ERCC6: variants seen among roughly 807,000 people sequenced by gnomAD.
ERCC6 encodes the protein DNA excision repair protein ERCC-6.
ERCC6 carries 116 observed loss-of-function variants against 158.7 expected under a neutral mutation model. That is an observed-to-expected ratio of 0.73 (90% confidence interval 0.63 to 0.85). The LOEUF (loss-of-function observed/expected upper bound fraction) is 0.85, where lower values mean the gene tolerates loss of function less well. ERCC6 is among the 40% of genes least tolerant of loss of function. The pLI is 0.00. For missense variants in ERCC6, 1,698 were observed against 1,799.4 expected, an observed-to-expected ratio of 0.94 and a Z score of 1.02; for synonymous variants, 678 against 659.3, an observed-to-expected ratio of 1.03 and a Z score of -0.43.
At chr10:49,532,400 G>A in intron 2 of ERCC6, 143 bp downstream of exon 2, 1 of 1,301,426 alleles carries the variant, frequency 7.7e-7, no homozygotes, top group Non-Finnish European at 1.1e-6. Context: ...ATGAGGTTGA[G>A]GACTGCCCTT....
At chr10:49,519,518 A>T (rs1837089354) in intron 5 of ERCC6, among the ~76,000 whole-genome samples, 1 of 152,182 alleles carries the variant, frequency 6.6e-6, no homozygotes, top group Non-Finnish European at 1.5e-5. Flanking sequence ...ACCAACTCAA[A>T]TCCACTTCAG....
intron 7 of ERCC6, among the ~76,000 whole-genome samples, chr10:49,495,958 G>T (rs1464659846): frequency 2.0e-5 from 3 of 152,172 alleles, no homozygotes; most frequent in Non-Finnish European, 4.4e-5. Context: ...TTGCGACAGA[G>T]ATTAAACACC....
rs373522295 is a variant in ERCC6 at position 49,493,175 on chromosome 10, C to A, written c.1763G>T (p.Trp588Leu). The A allele has an allele frequency of 3.1e-6, 5 of 1,613,934 alleles. No individual in the cohort carries two copies. The African/African-American group carries it at 5.3e-5, about 17-fold the overall frequency. The change falls in exon 8 of 21, where the codon TGG becomes TTG. Residue 588 changes from tryptophan (W) to leucine (L), a missense_variant. Physicochemically the swap from Trp to Leu is moderately conservative, Grantham distance 61 (BLOSUM62 -2). Transcript: ENST00000355832. ...MHQWVKEFHT[W>L]WPPFRVAILH... ...AATTGCCACTCTGAACGGAGGCCAC[C>A]ACGTGTGAAATTCCTTCACCCACTG... is the stretch of plus-strand genomic sequence containing the variant.
chr10:49,519,869 G>A (rs1368763710), intron 5 of ERCC6, among the ~76,000 whole-genome samples: 2 of 152,146 alleles, frequency 1.3e-5, no homozygotes, highest in Admixed American at 1.3e-4. Context: ...CAAAGCACAA[G>A]TGCAGTGCCC....
At chr10:49,462,855 G>A (rs1384276428) in intron 18 of ERCC6, among the ~76,000 whole-genome samples, 7 of 152,204 alleles carry the variant, frequency 4.6e-5, no homozygotes, top group Non-Finnish European at 1.0e-4. Context: ...AACTGCTCGT[G>A]ACAATTCAAA....
chr10:49,462,089 T>C (rs545229135), intron 18 of ERCC6, among the ~76,000 whole-genome samples: 30 of 152,132 alleles, frequency 2.0e-4, no homozygotes, highest in African/African-American at 6.7e-4. Flanking sequence ...CATGAACAGA[T>C]CAGAAAACAC....
the ERCC6 span, among the ~76,000 whole-genome samples, chr10:49,447,100 T>A: frequency 6.6e-6 from 1 of 151,962 alleles, no homozygotes; most frequent in African/African-American, 2.4e-5. Context: ...CACAAAGGAA[T>A]AACTTTGAAA....
At chr10:49,511,399 G>T (rs570621936) in intron 5 of ERCC6, among the ~76,000 whole-genome samples, 35 of 150,608 alleles carry the variant, frequency 2.3e-4, no homozygotes, top group Non-Finnish European at 3.5e-4. Context: ...CCCAAATAAA[G>T]TAAGTGTGTT....
At chr10:49,447,659 G>A in the ERCC6 span, among the ~76,000 whole-genome samples, 24 of 151,590 alleles carry the variant, frequency 1.6e-4, 1 homozygote, top group Non-Finnish European at 2.2e-4. Flanking sequence ...AGCCAAGATC[G>A]TGCCACTGCA....
At chr10:49,489,174 T>C (rs1391291080) in intron 8 of ERCC6, among the ~76,000 whole-genome samples, 1 of 152,238 alleles carries the variant, frequency 6.6e-6, no homozygotes, top group Admixed American at 6.5e-5. Context: ...CTAGATGATC[T>C]TGAATGACCA....
intron 5 of ERCC6, among the ~76,000 whole-genome samples, chr10:49,511,454 T>G (rs3763730): frequency 0.42 from 63,017 of 149,912 alleles, 14,197 homozygotes; most frequent in Non-Finnish European, 0.5. Context: ...AGACAAAGTC[T>G]CACTCTGTCA....
the ERCC6 span, among the ~76,000 whole-genome samples, chr10:49,441,232 T>G: frequency 6.6e-6 from 1 of 152,252 alleles, no homozygotes; most frequent in Non-Finnish European, 1.5e-5. Flanking sequence ...AAGAGCCATG[T>G]ACCAATGTAC....
chr10:49,513,078 A>G (rs1251869571), intron 5 of ERCC6, among the ~76,000 whole-genome samples: 3 of 152,216 alleles, frequency 2.0e-5, no homozygotes, highest in Non-Finnish European at 4.4e-5. Flanking sequence ...GCTAGTGGGC[A>G]TGTAACAAGA....
rs1564443770 is a variant in ERCC6 at position 49,526,105 on chromosome 10, ATT to A, written c.653-1330_653-1329del. ...TTTATTTATATTTATATATTTATAT[ATT>A]TATATATTTTTATATATATATATAT... On this transcript the variant is annotated intron_variant, in intron 4 of 20. Transcript: ENST00000355832. Among the ~76,000 whole-genome samples, 117 of 100,132 alleles carry A rather than the reference ATT, an allele frequency of 1.2e-3. 2 individuals are homozygous for A. The highest frequency in any genetic ancestry group is 3.4e-3 in the African/African-American group (81 of 23,494). The allele number at this position is 100,132 out of a possible 152,430, so 65.7% of individuals were successfully genotyped here.
chr10:49,524,899 T>C, intron 4 of ERCC6, 122 bp from the exon 5 acceptor site: 1 of 1,533,536 alleles, frequency 6.5e-7, no homozygotes, highest in South Asian at 1.2e-5. Flanking sequence ...AAAAGAATCA[T>C]CCATGTACTA....
intron 18 of ERCC6, 34 bp downstream of exon 18, chr10:49,470,148 A>T: frequency 1.9e-6 from 3 of 1,592,080 alleles, no homozygotes; most frequent in Non-Finnish European, 2.6e-6. Flanking sequence ...TTCTAATCCT[A>T]GCATCCCTGT....
chr10:49,457,836 A>C lies in ERCC6; in HGVS notation c.*979T>G, dbSNP rs1850509053. The stretch of plus-strand genomic sequence containing the variant: ...ATCACAGAACCACAAACACATAAAC[A>C]GTAGTGAGATACAAACAGCCTTGGC... On this transcript the variant is annotated 3_prime_UTR_variant, in exon 21 of 21. Transcript: ENST00000355832. 6.6e-6 allele frequency: 1 copy of C among 152,286 alleles called. No homozygotes were observed. Among genetic ancestry groups the C allele is most frequent in the African/African-American group, 2.4e-5 (1 of 41,476 alleles). 9.4% of individuals were successfully genotyped at this position (152,286 alleles called of 1,614,324 possible).
At chr10:49,537,588 A>T (rs1837632105) in intron 1 of ERCC6, among the ~76,000 whole-genome samples, 2 of 152,098 alleles carry the variant, frequency 1.3e-5, no homozygotes, top group Admixed American at 1.3e-4. Context: ...TTTCTGACAA[A>T]ATGAGAGAAA....
chr10:49,524,797 G>C lies in ERCC6; in HGVS notation c.653-20C>G. 1 of 1,599,334 alleles carries C rather than the reference G, an allele frequency of 6.3e-7. No individual in the cohort carries two copies. Among genetic ancestry groups the C allele is most frequent in the African/African-American group, 1.3e-5 (1 of 75,028 alleles). On this transcript the variant is annotated intron_variant, in intron 4 of 20. Coordinates refer to ENST00000355832, the MANE Select transcript of ERCC6 (RefSeq NM_000124.4). ...CCGGCTCTGAAAGAACAATAGCAAT[G>C]CGTTTCGCACTAGCATGAAACTTTC...
Sources: gnomAD v4.1 joint callset for allele counts (sites outside exome capture counted in the v4.1 genomes callset) on GRCh38, gnomAD v4.1.1 for gene constraint, MANE v1.5 for transcripts, NCBI Gene and HGNC (gene_info 2026-07-23, HGNC 2026-07-21) for gene names.